Variants in BTBD9 observed in about 807,000 individuals in gnomAD.
BTBD9 encodes the protein BTB/POZ domain-containing protein 9.
BTBD9 carries 49 observed loss-of-function variants against 64.3 expected under a neutral mutation model. The observed-to-expected ratio is 0.76, with a 90% CI of 0.61 to 0.97. The LOEUF (loss-of-function observed/expected upper bound fraction) is 0.97, where lower values mean the gene tolerates loss of function less well. Among genes scored for constraint, BTBD9 ranks in the 50% least tolerant of loss-of-function variants. BTBD9 has a pLI of 0.00. For missense variants in BTBD9, 598 were observed against 762.1 expected (o/e 0.78, Z 2.53); for synonymous variants, 260 against 274.7 (o/e 0.95, Z 0.53).
chr6:38,311,598 A>G (rs1419620053), intron 7 of BTBD9, among the ~76,000 whole-genome samples: 5 of 152,146 alleles, frequency 3.3e-5, no homozygotes, highest in African/African-American at 9.7e-5. Context: ...TACATATCTA[A>G]AAGTGGGATT....
At chr6:38,218,372 A>C (rs1472854775) in intron 9 of BTBD9, among the ~76,000 whole-genome samples, 9 of 152,316 alleles carry the variant, frequency 5.9e-5, no homozygotes, top group Admixed American at 4.6e-4. Flanking sequence ...GAAAGGCCTA[A>C]GTTCCTGTTG....
intron 6 of BTBD9, among the ~76,000 whole-genome samples, chr6:38,428,917 G>A (rs1768308418): frequency 6.6e-6 from 1 of 151,288 alleles, no homozygotes; most frequent in Non-Finnish European, 1.5e-5. Context: ...CACCGTGTTA[G>A]CCAGTATGGT....
At position 38,233,560 on chromosome 6, in the gene BTBD9, G is replaced by A. The variant is rs538205899; in HGVS notation, c.1562+22849C>T. The stretch of plus-strand genomic sequence containing the variant: ...AGGTTCTCTGCAGCAGCCTACCCTG[G>A]AAGTTTCAACACAGCCACTGCACTA... On this transcript the variant is annotated intron_variant, in intron 9 of 10. Transcript: ENST00000481247. 3.9e-5 allele frequency among the ~76,000 whole-genome samples: 6 copies of A among 152,334 alleles called. No individual in the cohort carries two copies. The South Asian group carries it at 1.2e-3, about 32-fold the overall frequency.
chr6:38,307,977 C>T (rs375153793), intron 7 of BTBD9, among the ~76,000 whole-genome samples: 1 of 152,170 alleles, frequency 6.6e-6, no homozygotes, highest in African/African-American at 2.4e-5. Flanking sequence ...CTCAAACATA[C>T]AAGTTCACCA....
intron 9 of BTBD9, among the ~76,000 whole-genome samples, chr6:38,218,674 T>A (rs191697805): frequency 1.0e-3 from 153 of 152,310 alleles, no homozygotes; most frequent in Non-Finnish European, 1.7e-3. Context: ...AGCCTCTAAA[T>A]CCTGAAGTTG....
At chr6:38,508,479 G>A (rs1467886231) in intron 6 of BTBD9, among the ~76,000 whole-genome samples, 1 of 152,072 alleles carries the variant, frequency 6.6e-6, no homozygotes, top group African/African-American at 2.4e-5. Flanking sequence ...CCCCGCCACT[G>A]GCACTTCTTA....
intron 6 of BTBD9, among the ~76,000 whole-genome samples, chr6:38,376,294 C>A (rs1295403650): frequency 2.0e-5 from 3 of 151,996 alleles, no homozygotes; most frequent in Non-Finnish European, 4.4e-5. Context: ...TAAATATGGA[C>A]CTGCTCGCTA....
chr6:38,578,106 C>T (rs1000660895), intron 5 of BTBD9, among the ~76,000 whole-genome samples: 1 of 152,116 alleles, frequency 6.6e-6, no homozygotes, highest in Non-Finnish European at 1.5e-5. Context: ...AGAGAAAGAA[C>T]AGAAAATGGA....
chr6:38,247,152 A>G (rs1561922452), intron 9 of BTBD9, among the ~76,000 whole-genome samples: 1 of 60,750 alleles, frequency 1.6e-5, no homozygotes, highest in Non-Finnish European at 3.5e-5. Context: ...GGCAAAGAAG[A>G]TGTAAAAAAA....
rs1766702702 is a variant in BTBD9 at position 38,170,275 on chromosome 6, A to C, written c.*4710T>G. On this transcript the variant is annotated 3_prime_UTR_variant, in exon 11 of 11. Transcript: ENST00000481247. ...CCCTGCCTCTGCATGAGCCCAGCAGAAAATCCTAGCTGGAAGGCCGTGGGG... is the reference window on the plus strand; with the variant it reads ...CCCTGCCTCTGCATGAGCCCAGCAGCAAATCCTAGCTGGAAGGCCGTGGGG... 1 of 152,414 alleles carries C rather than the reference A, an allele frequency of 6.6e-6. No homozygotes were observed. The highest frequency in any genetic ancestry group is 1.9e-4 in the East Asian group (1 of 5,194). The allele number at this position is 152,414 out of a possible 1,614,324, so 9.4% of individuals were successfully genotyped here.
chr6:38,183,711 A>G (rs1761684950), intron 10 of BTBD9, among the ~76,000 whole-genome samples: 2 of 152,182 alleles, frequency 1.3e-5, no homozygotes, highest in South Asian at 4.1e-4. Context: ...TGTGCAACCG[A>G]ATGCTTCCAG....
intron 7 of BTBD9, among the ~76,000 whole-genome samples, chr6:38,340,580 C>T (rs1469914258): frequency 1.3e-5 from 2 of 152,124 alleles, no homozygotes; most frequent in Non-Finnish European, 2.9e-5. Context: ...CACAAACAAA[C>T]CTTTGTCACC....
intron 6 of BTBD9, among the ~76,000 whole-genome samples, chr6:38,503,318 T>TTC (rs1314056588): frequency 6.6e-6 from 1 of 152,044 alleles, no homozygotes; most frequent in Admixed American, 6.6e-5. Context: ...GCCCTCCCCC[T>TTC]TCTCTCCAGG....
chr6:38,274,175 C>CTGTT (rs1181850880), intron 8 of BTBD9, among the ~76,000 whole-genome samples: 7 of 152,172 alleles, frequency 4.6e-5, no homozygotes, highest in Admixed American at 4.6e-4. Flanking sequence ...ATTTGGCTCT[C>CTGTT]TGTTTGTCTG....
At chr6:38,466,194 CTTTA>C (rs1357492571) in intron 6 of BTBD9, among the ~76,000 whole-genome samples, 2 of 147,934 alleles carry the variant, frequency 1.4e-5, no homozygotes, top group African/African-American at 2.5e-5. Context: ...TCATAGTACT[CTTTA>C]TTAGTCTTTT....
chr6:38,333,896 G>C (rs980095804), intron 7 of BTBD9, among the ~76,000 whole-genome samples: 1 of 152,116 alleles, frequency 6.6e-6, no homozygotes. Context: ...AGGTAGAACT[G>C]GAACAGCCTG....
intron 6 of BTBD9, among the ~76,000 whole-genome samples, chr6:38,507,676 C>T (rs1262677729): frequency 6.6e-6 from 1 of 152,058 alleles, no homozygotes; most frequent in Admixed American, 6.6e-5. Context: ...TTTACCACTC[C>T]TTCTCAGTCT....
At chr6:38,577,825 A>G in intron 5 of BTBD9, 106 bp from the exon 6 acceptor site, 1 of 996,506 alleles carries the variant, frequency 1.0e-6, no homozygotes, top group Non-Finnish European at 1.5e-6. Context: ...AGAATTCACT[A>G]ATTACATTTT....
chr6:38,447,016 CT>C (rs1182885423), intron 6 of BTBD9, among the ~76,000 whole-genome samples: 1 of 152,170 alleles, frequency 6.6e-6, no homozygotes, highest in South Asian at 2.1e-4. Flanking sequence ...ACTAATAATT[CT>C]TCAGTGCAAC....
Sources: gnomAD v4.1 joint callset for allele counts (sites outside exome capture counted in the v4.1 genomes callset) on GRCh38, gnomAD v4.1.1 for gene constraint, MANE v1.5 for transcripts, NCBI Gene and HGNC (gene_info 2026-07-23, HGNC 2026-07-21) for gene names.